The following MACF1 variants were observed in gnomAD, a reference collection of about 807,000 sequenced individuals.
The protein encoded by MACF1 is microtubule actin crosslinking factor 1, also known as microtubule-actin cross-linking factor 1.
Under a neutral mutation model 854.8 loss-of-function variants are expected in MACF1, and 193 were observed. The ratio of observed to expected loss-of-function variants is 0.23; its 90% confidence interval spans 0.20 to 0.25. The LOEUF is 0.25. MACF1 is among the 10% of genes least tolerant of loss of function. MACF1 has a pLI of 1.00. For synonymous variants in MACF1, 3,185 were observed against 3,226.7 expected, an observed-to-expected ratio of 0.99 and a Z score of 0.44; for missense variants, 7,722 against 8,929.1, an observed-to-expected ratio of 0.86 and a Z score of 5.45.
rs1191729014 is a variant in MACF1, at chr1:39,409,298, G to A, written c.15817-13076G>A. 6.6e-6 allele frequency among the ~76,000 whole-genome samples: 1 copy of A among 152,022 alleles called. No homozygotes were observed. The highest frequency in any genetic ancestry group is 6.6e-5 in the Admixed American group (1 of 15,260). On this transcript the variant is annotated intron_variant, in intron 58 of 100. Transcript: ENST00000564288. This position sits in a 1 kb window ranked among gnomAD's most constrained non-coding sequence, Gnocchi z 4.2. Reference sequence around the variant, plus strand: ...GCCCACGGCGTGGCGGCTGCGGGCCGGGGACTGGCGGCGGCGGGCGAGGCG... The same window carrying A: ...GCCCACGGCGTGGCGGCTGCGGGCCAGGGACTGGCGGCGGCGGGCGAGGCG...
At chr1:39,269,494 T>C (rs1645276231) in intron 6 of MACF1, 1 of 1,289,682 alleles carries the variant, frequency 7.8e-7, no homozygotes. Flanking sequence ...GTGGGTCAAG[T>C]GCCCCCCCAG....
intron 97 of MACF1, among the ~76,000 whole-genome samples, chr1:39,478,699 T>G (rs1390495018): frequency 6.6e-6 from 1 of 152,218 alleles, no homozygotes; most frequent in Admixed American, 6.5e-5. Flanking sequence ...AAGGGACATA[T>G]GGGGTAGCAC....
chr1:39,308,391 AT>A (rs1336377231), intron 23 of MACF1, among the ~76,000 whole-genome samples: 6 of 151,944 alleles, frequency 3.9e-5, no homozygotes, highest in Non-Finnish European at 7.4e-5. Flanking sequence ...CTCTACTGAA[AT>A]TTTAGTGGGA....
Position 39,361,084 on chromosome 1 carries a change from G to A in MACF1, c.12453+83G>A, listed in dbSNP as rs1011564328. The stretch of plus-strand genomic sequence containing the variant: ...ACATAATGTTGAAAAAGTAACAAGA[G>A]GGAACCTAATATCTGTGAATCATCT... On this transcript the variant is annotated intron_variant, in intron 48 of 100. Coordinates refer to ENST00000564288, the MANE Select transcript of MACF1 (RefSeq NM_001394062.1). 73 of 1,157,114 alleles carry A rather than the reference G, an allele frequency of 6.3e-5. 1 individual carries two copies. Among genetic ancestry groups the A allele is most frequent in the Admixed American group, 6.1e-5 (3 of 49,538 alleles). The allele number at this position is 1,157,114 out of a possible 1,614,324, so 71.7% of individuals were successfully genotyped here. A position where few individuals can be genotyped will look rare whatever the true frequency, so the allele number is the denominator to read the frequency against.
Position 39,370,026 on chromosome 1 carries a change from A to G in MACF1, c.12939-4A>G. 6.2e-7 allele frequency: 1 copy of G among 1,608,054 alleles called. No individual in the cohort carries two copies. The highest frequency in any genetic ancestry group is 8.5e-7 in the Non-Finnish European group (1 of 1,177,734). On this transcript the variant is annotated splice_region_variant and splice_polypyrimidine_tract_variant and intron_variant, in intron 50 of 100. Transcript: ENST00000564288. Reference sequence around the variant, plus strand: ...GGCAAGTAACAAAACTGCTTCATTGACAGAGAGAAAGATGCATCATCTTGC... The same window carrying G: ...GGCAAGTAACAAAACTGCTTCATTGGCAGAGAGAAAGATGCATCATCTTGC...
At chr1:39,291,136 C>G (rs2148398204) in intron 15 of MACF1, among the ~76,000 whole-genome samples, 1 of 150,822 alleles carries the variant, frequency 6.6e-6, no homozygotes, top group East Asian at 2.0e-4. Flanking sequence ...ACCACCATGC[C>G]TGGCTGATTT....
Position 39,332,045 on chromosome 1 carries a change from G to T in MACF1, c.5457G>T (p.Gly1819=), listed in dbSNP as rs1198315913. ...GAGGCATCATAGACACTGTCACGGG[G>T]CAAAGGCTAACAATAGATGAAGCAG... is the stretch of plus-strand genomic sequence containing the variant. ...QTGGIIDTVT[G]QRLTIDEAVS... The change falls in exon 37 of 101, where the codon GGG becomes GGT. Residue 1819 remains glycine, a synonymous_variant. Coordinates refer to ENST00000564288, the MANE Select transcript of MACF1 (RefSeq NM_001394062.1). 2 of 1,613,882 alleles carry T rather than the reference G, an allele frequency of 1.2e-6. No homozygotes were observed. The highest frequency in any genetic ancestry group is 3.3e-5 in the Admixed American group (2 of 59,940).
At chr1:39,358,196 G>C (rs1295711115) in intron 45 of MACF1, among the ~76,000 whole-genome samples, 1 of 152,188 alleles carries the variant, frequency 6.6e-6, no homozygotes, top group Admixed American at 6.5e-5. Context: ...GGACTCCCAA[G>C]AGACATAGCA....
chr1:39,307,325 G>A (rs1215498607), intron 23 of MACF1, among the ~76,000 whole-genome samples: 1 of 150,454 alleles, frequency 6.6e-6, no homozygotes, highest in Non-Finnish European at 1.5e-5. Flanking sequence ...TTTGTCATAA[G>A]CAGTACTATT....
At chr1:39,134,481 T>G (rs1181528397) in intron 2 of MACF1, among the ~76,000 whole-genome samples, 1 of 152,218 alleles carries the variant, frequency 6.6e-6, no homozygotes, top group Non-Finnish European at 1.5e-5. Context: ...TTTTATTTTG[T>G]TGTATCAGAT....
chr1:39,440,810 T>C (rs1644099736), intron 72 of MACF1, among the ~76,000 whole-genome samples, 193 bp from the exon 73 acceptor site: 1 of 152,160 alleles, frequency 6.6e-6, no homozygotes, highest in South Asian at 2.1e-4. Flanking sequence ...TATATACATA[T>C]ACCTATATGT....
At chr1:39,455,342 C>G (rs548959698) in intron 89 of MACF1, among the ~76,000 whole-genome samples, 1 of 152,316 alleles carries the variant, frequency 6.6e-6, no homozygotes, top group East Asian at 1.9e-4. Flanking sequence ...GTACTGCAGT[C>G]TCATCTGGAG....
chr1:39,323,138 G>A (rs955283258), intron 33 of MACF1, 130 bp downstream of exon 33: 21 of 791,124 alleles, frequency 2.7e-5, no homozygotes, highest in Non-Finnish European at 2.6e-5. Flanking sequence ...CTAGGAGTTT[G>A]AATCCAGCAT....
At chr1:39,434,363 A>C in intron 68 of MACF1, 51 bp from the exon 69 acceptor site, 4 of 1,082,568 alleles carry the variant, frequency 3.7e-6, no homozygotes, top group Non-Finnish European at 4.0e-6. Flanking sequence ...TTTTCTTAAG[A>C]GTTTATAATA....
intron 5 of MACF1, among the ~76,000 whole-genome samples, chr1:39,255,380 T>C (rs931826821): frequency 2.0e-5 from 3 of 152,128 alleles, no homozygotes; most frequent in Admixed American, 6.5e-5. Flanking sequence ...AGAAAGAAGA[T>C]GGATGAGGGA....
intron 17 of MACF1, 98 bp from the exon 18 acceptor site, chr1:39,293,360 T>G: frequency 8.8e-7 from 1 of 1,134,824 alleles, no homozygotes; most frequent in Non-Finnish European, 1.2e-6. Context: ...TAAGAGCAAA[T>G]TAATTTCCTG....
chr1:39,383,564 A>C (rs1483170371), intron 56 of MACF1, among the ~76,000 whole-genome samples: 1 of 152,206 alleles, frequency 6.6e-6, no homozygotes, highest in Non-Finnish European at 1.5e-5. Context: ...GCATTTTCCG[A>C]AACATAAAAG....
chr1:39,321,418 T>C (rs1300667202), intron 31 of MACF1, among the ~76,000 whole-genome samples: 1 of 152,258 alleles, frequency 6.6e-6, no homozygotes, highest in African/African-American at 2.4e-5. Context: ...ACTATTTTTT[T>C]ATGGGTTCCT....
At chr1:39,286,305 T>C (rs1223085584) in intron 14 of MACF1, among the ~76,000 whole-genome samples, 1 of 152,046 alleles carries the variant, frequency 6.6e-6, no homozygotes, top group Admixed American at 6.6e-5. Flanking sequence ...TGAACCACTA[T>C]ATCTGGCCCA....
Sources: allele counts gnomAD v4.1 joint callset (sites outside exome capture counted in the v4.1 genomes callset), GRCh38; gene constraint gnomAD v4.1.1; non-coding constraint Gnocchi (gnomAD v3.1); transcripts MANE v1.5; gene names NCBI Gene and HGNC (gene_info 2026-07-23, HGNC 2026-07-21).